OOSP3: variants seen among roughly 807,000 people sequenced by gnomAD.
OOSP3 encodes oocyte secreted protein family member 3, also known as oocyte-secreted protein 3.
intron 2 of OOSP3, among the ~76,000 whole-genome samples, chr11:59,884,467 GTCTGTCTGTCTCTCTCTCTCTC>G (rs1376739662): frequency 6.9e-4 from 84 of 121,974 alleles, no homozygotes; most frequent in African/African-American, 2.7e-3. Flanking sequence ...CTGTCTGTCT[GTCTGTCTGTCTCTCTCTCTCTC>G]TCTCTCTCTC....
At chr11:59,883,708 G>A (rs536155058) in intron 2 of OOSP3, among the ~76,000 whole-genome samples, 7 of 152,270 alleles carry the variant, frequency 4.6e-5, no homozygotes, top group African/African-American at 1.2e-4. Flanking sequence ...GCTTCAATGC[G>A]AAACTTTTTC....
At chr11:59,887,999 C>T (rs546795325) in intron 2 of OOSP3, among the ~76,000 whole-genome samples, 2 of 152,180 alleles carry the variant, frequency 1.3e-5, no homozygotes, top group East Asian at 1.9e-4. Context: ...TGTAGTTCTC[C>T]TTGAAGAAGT....
intron 2 of OOSP3, among the ~76,000 whole-genome samples, chr11:59,885,270 T>C (rs897658577): frequency 9.9e-5 from 15 of 152,062 alleles, no homozygotes; most frequent in African/African-American, 3.4e-4. Flanking sequence ...TATGGTATGC[T>C]GAAGTTTTTA....
chr11:59,886,995 A>G (rs965091902), intron 2 of OOSP3, among the ~76,000 whole-genome samples: 1 of 151,734 alleles, frequency 6.6e-6, no homozygotes, highest in East Asian at 1.9e-4. Flanking sequence ...GGGTTTCACA[A>G]TGTTGGCCAG....
chr11:59,881,629 A>G (rs1323436932), intron 2 of OOSP3, among the ~76,000 whole-genome samples: 1 of 152,076 alleles, frequency 6.6e-6, no homozygotes, highest in Non-Finnish European at 1.5e-5. Flanking sequence ...CAAAAATAGT[A>G]TATTTTGGGA....
chr11:59,885,229 T>C (rs944532719), intron 2 of OOSP3, among the ~76,000 whole-genome samples: 70 of 152,366 alleles, frequency 4.6e-4, no homozygotes, highest in African/African-American at 1.7e-3. Context: ...CATTTAGTCA[T>C]ACTGCTTAGT....
chr11:59,882,485 T>A (rs766708784), intron 2 of OOSP3, among the ~76,000 whole-genome samples: 4 of 152,126 alleles, frequency 2.6e-5, no homozygotes, highest in Non-Finnish European at 4.4e-5. Flanking sequence ...ATTCTTTGAG[T>A]TTTATGAGTC....
chr11:59,891,080 G>A (rs1417583102), intron 2 of OOSP3, among the ~76,000 whole-genome samples: 2 of 151,990 alleles, frequency 1.3e-5, no homozygotes, highest in African/African-American at 4.8e-5. Flanking sequence ...ATTGATACTT[G>A]TGTTTGCATC....
chr11:59,887,941 GT>G (rs1284620615), intron 2 of OOSP3, among the ~76,000 whole-genome samples: 2 of 152,106 alleles, frequency 1.3e-5, no homozygotes, highest in African/African-American at 2.4e-5. Context: ...AGCATGGAAT[GT>G]TTTTTTCATC....
intron 2 of OOSP3, among the ~76,000 whole-genome samples, chr11:59,892,105 G>A (rs1853317428): frequency 6.6e-6 from 1 of 152,212 alleles, no homozygotes. Flanking sequence ...CTGCTGACCT[G>A]AGCAGCTGTC....
In OOSP3 at chr11:59,888,336, T is replaced by C. The variant is rs145386617; in HGVS notation, c.253-5743T>C. Among the ~76,000 whole-genome samples, 313 of 152,326 alleles carry C rather than the reference T, an allele frequency of 2.1e-3. 1 individual carries two copies. The highest frequency in any genetic ancestry group is 7.0e-3 in the African/African-American group (290 of 41,584). On this transcript the variant is annotated intron_variant, in intron 2 of 4. Transcript: ENST00000646438. ...GCTCTGGCCAGAACTTCCAGCTATG[T>C]TGAATAAGAGTACTGAGAGAGGGCA...
At chr11:59,895,765 T>C (rs1251439502) in intron 4 of OOSP3, 113 bp downstream of exon 4, 8 of 396,852 alleles carry the variant, frequency 2.0e-5, no homozygotes, top group Non-Finnish European at 3.5e-5. Context: ...GTTGTTTAAA[T>C]AGTGTTTAAC....
At chr11:59,884,048 TA>T (rs1366287918) in intron 2 of OOSP3, among the ~76,000 whole-genome samples, 36 of 152,216 alleles carry the variant, frequency 2.4e-4, no homozygotes, top group African/African-American at 8.7e-4. Flanking sequence ...TTTTCAAATA[TA>T]AAACATTTCT....
chr11:59,890,601 G>A (rs1853302187), intron 2 of OOSP3, among the ~76,000 whole-genome samples: 1 of 152,098 alleles, frequency 6.6e-6, no homozygotes, highest in South Asian at 2.1e-4. Flanking sequence ...GTTGAACATT[G>A]GCTCCCAATC....
At chr11:59,894,304 G>T (rs76857982) in intron 3 of OOSP3, 128 bp downstream of exon 3, 5,292 of 393,272 alleles carry the variant, frequency 0.013, 247 homozygotes, top group African/African-American at 0.092. Flanking sequence ...GTTTCTCTGT[G>T]CAATGATGAG....
chr11:59,893,152 T>A (rs1273126843), intron 2 of OOSP3, among the ~76,000 whole-genome samples: 1 of 152,230 alleles, frequency 6.6e-6, no homozygotes, highest in Non-Finnish European at 1.5e-5. Context: ...AATGGGAAAA[T>A]AATCGTGTTA....
rs146175841 is a variant in OOSP3, at chr11:59,886,124, T to G, written c.252+5685T>G. Among the ~76,000 whole-genome samples the G allele has an allele frequency of 4.9e-4, 74 of 152,300 alleles. 1 individual carries two copies. In the East Asian group the frequency reaches 0.014, roughly 29 times the overall value. On this transcript the variant is annotated intron_variant, in intron 2 of 4. Transcript: ENST00000646438. Reference sequence around the variant, plus strand: ...GTGTTTTCATTATTCAGCTCCCACCTTTAAGTGAGAACATGCAGTGTTTGG... The same window carrying G: ...GTGTTTTCATTATTCAGCTCCCACCGTTAAGTGAGAACATGCAGTGTTTGG...
Position 59,879,815 on chromosome 11 carries a change from T to G in OOSP3, c.74-446T>G, listed in dbSNP as rs79762902. Among the ~76,000 whole-genome samples, 1,504 of 152,288 alleles carry G rather than the reference T, an allele frequency of 9.9e-3. 13 individuals are homozygous for G. The highest frequency in any genetic ancestry group is 0.029 in the South Asian group (140 of 4,824). Reference sequence around the variant, plus strand: ...CCCAGGGTACAGTTTCCCTTGTCTCTTCACCCACACGGGATGTAGATGTCT... The same window carrying G: ...CCCAGGGTACAGTTTCCCTTGTCTCGTCACCCACACGGGATGTAGATGTCT... On this transcript the variant is annotated intron_variant, in intron 1 of 4. Transcript: ENST00000646438.
intron 2 of OOSP3, among the ~76,000 whole-genome samples, chr11:59,886,876 C>T (rs536695500): frequency 1.1e-4 from 17 of 151,690 alleles, no homozygotes; most frequent in South Asian, 2.1e-4. Flanking sequence ...CTGCAACCTC[C>T]GCCTCCCAGA....
Sources: allele counts gnomAD v4.1 joint callset (sites outside exome capture counted in the v4.1 genomes callset), GRCh38; gene constraint gnomAD v4.1.1; transcripts MANE v1.5; gene names NCBI Gene and HGNC (gene_info 2026-07-23, HGNC 2026-07-21).